Variants in USH2A observed in about 807,000 individuals in gnomAD.
USH2A encodes Usher syndrome 2A (autosomal recessive, mild).
USH2A carries 443 observed loss-of-function variants against 538.9 expected under a neutral mutation model. The ratio of observed to expected loss-of-function variants is 0.82; its 90% CI spans 0.76 to 0.89. The LOEUF (loss-of-function observed/expected upper bound fraction) is 0.89, where lower values mean the gene tolerates loss of function less well. Among genes scored for constraint, USH2A ranks in the 40% least tolerant of loss-of-function variants. The probability of loss-of-function intolerance (pLI) is 0.00; values close to 1 mark genes in which losing one functional copy is unlikely to be tolerated. For missense variants in USH2A, 6,633 were observed against 6,324.8 expected (o/e 1.05, Z -1.65); for synonymous variants, 2,413 against 2,273.5 (o/e 1.06, Z -1.75).
chr1:215,625,954 TA>T, intron 71 of USH2A, 84 bp from the exon 72 acceptor site: 1 of 1,344,916 alleles, frequency 7.4e-7, no homozygotes, highest in Admixed American at 1.8e-5. Flanking sequence ...CAATTAAGTG[TA>T]AAAAGTAATA....
At chr1:215,843,488 C>T (rs1305978548) in intron 46 of USH2A, among the ~76,000 whole-genome samples, 2 of 151,982 alleles carry the variant, frequency 1.3e-5, no homozygotes, top group Non-Finnish European at 2.9e-5. Flanking sequence ...ACTTTTAAGG[C>T]CAGTAGCCCC....
chr1:215,712,246 T>G (rs1659357152), intron 61 of USH2A, among the ~76,000 whole-genome samples: 1 of 152,214 alleles, frequency 6.6e-6, no homozygotes, highest in Non-Finnish European at 1.5e-5. Flanking sequence ...ATTTAGATTC[T>G]TATAAATCAG....
intron 21 of USH2A, among the ~76,000 whole-genome samples, chr1:216,121,100 A>C (rs2102594462): frequency 6.6e-6 from 1 of 152,364 alleles, no homozygotes; most frequent in Non-Finnish European, 1.5e-5. Context: ...CTTCTGAATA[A>C]GTAGGAACAA....
chr1:215,745,801 T>G (rs568586246), intron 58 of USH2A, among the ~76,000 whole-genome samples: 1 of 152,242 alleles, frequency 6.6e-6, no homozygotes, highest in Non-Finnish European at 1.5e-5. Flanking sequence ...GTAGGACAAC[T>G]TGGGGAAAAA....
intron 21 of USH2A, 127 bp downstream of exon 21, chr1:216,175,125 A>G (rs555076239): frequency 2.0e-5 from 30 of 1,519,740 alleles, no homozygotes; most frequent in South Asian, 1.5e-4. Flanking sequence ...GGCAAAAGCT[A>G]TCAAAGGGCT....
intron 52 of USH2A, among the ~76,000 whole-genome samples, chr1:215,784,176 T>C (rs564091031): frequency 3.7e-4 from 57 of 152,258 alleles, no homozygotes; most frequent in Middle Eastern, 6.8e-3. Context: ...CCAGTTTTCT[T>C]TGTAGCTTCT....
rs538275481 is a variant in USH2A at position 216,251,596 on chromosome 1, G to A, written c.1972-498C>T. Among the ~76,000 whole-genome samples the A allele has an allele frequency of 1.0e-3, 153 of 151,774 alleles. 2 individuals are homozygous for A. The highest frequency in any genetic ancestry group is 3.0e-3 in the African/African-American group (123 of 41,404). ...CTTCCGAGTAGCTGGGACTACAGGC[G>A]CCCGCCACCACGCTCAGCTAATTTT... On this transcript the variant is annotated intron_variant, in intron 11 of 71. Coordinates refer to ENST00000307340, the MANE Select transcript of USH2A (RefSeq NM_206933.4).
At chr1:215,656,211 A>G (rs773474881) in intron 64 of USH2A, among the ~76,000 whole-genome samples, 3 of 152,156 alleles carry the variant, frequency 2.0e-5, no homozygotes, top group Non-Finnish European at 2.9e-5. Context: ...TTCTGAAATA[A>G]CCTTCCTTAG....
At chr1:216,182,701 C>T (rs913672752) in intron 20 of USH2A, among the ~76,000 whole-genome samples, 3 of 152,056 alleles carry the variant, frequency 2.0e-5, no homozygotes, top group Admixed American at 2.0e-4. Flanking sequence ...GTAATAAACA[C>T]TAGGTAAGGA....
chr1:215,951,155 A>T lies in USH2A; in HGVS notation c.7120+14162T>A, dbSNP rs544693078. On this transcript the variant is annotated intron_variant, in intron 37 of 71. Transcript: ENST00000307340. ...TTTTAATTGTGATGTTAGGGTGTCA[A>T]TTTTAGATCTTTCCTGCTTTCTCTT... Among the ~76,000 whole-genome samples, 16 of 152,152 alleles carry T rather than the reference A, an allele frequency of 1.1e-4. No homozygotes were observed. In the South Asian group the frequency reaches 3.3e-3, roughly 32 times the overall value.
chr1:216,240,041 G>A, intron 13 of USH2A, among the ~76,000 whole-genome samples: 1 of 147,450 alleles, frequency 6.8e-6, no homozygotes. Context: ...AAAGAGAGAA[G>A]GAGAAAAATG....
intron 19 of USH2A, among the ~76,000 whole-genome samples, chr1:216,193,866 C>T (rs896702475): frequency 1.1e-4 from 16 of 151,908 alleles, no homozygotes; most frequent in South Asian, 2.1e-4. Flanking sequence ...TACACCAGCC[C>T]GAGGACACAA....
At position 216,189,949 on chromosome 1, in the gene USH2A, G is replaced by T. The variant is rs77109904; in HGVS notation, c.4396+274C>A. ...TTCTATATATTTGTATATGTTTCTA[G>T]TTGTATATTCTATATATTTCTAGTT... On this transcript the variant is annotated intron_variant, in intron 20 of 71. Transcript: ENST00000307340. Among the ~76,000 whole-genome samples the T allele has an allele frequency of 0.012, 1,816 of 151,996 alleles. 30 individuals carry two copies. Among genetic ancestry groups the T allele is most frequent in the African/African-American group, 0.041 (1,711 of 41,496 alleles).
intron 21 of USH2A, among the ~76,000 whole-genome samples, chr1:216,156,833 C>T (rs1047795773): frequency 6.6e-6 from 1 of 151,868 alleles, no homozygotes; most frequent in Non-Finnish European, 1.5e-5. Context: ...AGAAAAACAA[C>T]TCCATTTAAA....
At chr1:216,249,396 T>C (rs767066189) in intron 12 of USH2A, among the ~76,000 whole-genome samples, 9 of 152,152 alleles carry the variant, frequency 5.9e-5, no homozygotes, top group Non-Finnish European at 8.8e-5. Flanking sequence ...ATTCCATTGA[T>C]ACAAAGAAGT....
At chr1:216,179,225 A>C (rs2034445883) in intron 20 of USH2A, among the ~76,000 whole-genome samples, 1 of 152,156 alleles carries the variant, frequency 6.6e-6, no homozygotes, top group Non-Finnish European at 1.5e-5. Flanking sequence ...ATTAAGAGTA[A>C]TAGGAAACAA....
chr1:216,419,864 A>G (rs2039646219), intron 2 of USH2A, among the ~76,000 whole-genome samples: 1 of 151,792 alleles, frequency 6.6e-6, no homozygotes, highest in Non-Finnish European at 1.5e-5. Context: ...ACTTGCATCT[A>G]TTTTTTTCCT....
intron 11 of USH2A, among the ~76,000 whole-genome samples, chr1:216,257,779 G>T (rs1444104571): frequency 6.6e-6 from 1 of 151,864 alleles, no homozygotes; most frequent in East Asian, 1.9e-4. Context: ...AGGTTATATT[G>T]CTATGACTTC....
intron 50 of USH2A, among the ~76,000 whole-genome samples, chr1:215,794,718 A>G (rs1162797708): frequency 3.9e-5 from 6 of 152,176 alleles, no homozygotes; most frequent in African/African-American, 1.4e-4. Flanking sequence ...GAAACTCTAG[A>G]GCTTATCTTG....
Sources: gnomAD v4.1 joint callset for allele counts (sites outside exome capture counted in the v4.1 genomes callset) on GRCh38, gnomAD v4.1.1 for gene constraint, MANE v1.5 for transcripts, NCBI Gene and HGNC (gene_info 2026-07-23, HGNC 2026-07-21) for gene names.